CRPPA: variants seen among roughly 807,000 people sequenced by gnomAD.
The protein encoded by CRPPA is D-ribitol-5-phosphate cytidylyltransferase.
Under a neutral mutation model 52.0 loss-of-function variants are expected in CRPPA, and 43 were observed. That is an observed-to-expected ratio of 0.83 (90% CI 0.65 to 1.07). CRPPA has a LOEUF of 1.07. CRPPA is among the 50% of genes least tolerant of loss of function. CRPPA has a pLI of 0.00. For missense variants in CRPPA, 629 were observed against 551.7 expected (o/e 1.14, Z -1.40); for synonymous variants, 250 against 203.5 (o/e 1.23, Z -1.94).
At chr7:16,377,549 G>C (rs10249194) in intron 2 of CRPPA, among the ~76,000 whole-genome samples, 27,673 of 152,182 alleles carry the variant, frequency 0.18, 3,633 homozygotes, top group African/African-American at 0.37. Context: ...ATTGAAACTA[G>C]TGAAAAGTAT....
At chr7:16,216,386 G>A (rs747025213) in intron 8 of CRPPA, 189 bp from the exon 9 acceptor site, 15 of 432,972 alleles carry the variant, frequency 3.5e-5, no homozygotes, top group Admixed American at 1.3e-4. Flanking sequence ...AAACACAGAT[G>A]TAGTAAACAC....
chr7:16,100,201 G>A lies in CRPPA; in HGVS notation c.1252-8402C>T, dbSNP rs142421626. Among the ~76,000 whole-genome samples, 432 of 152,166 alleles carry A rather than the reference G, an allele frequency of 2.8e-3. 2 individuals are homozygous for A. The highest frequency in any genetic ancestry group is 9.8e-3 in the African/African-American group (408 of 41,530). ...TTATTATTTCTGCCCCCAGAAAAAT[G>A]GTTTCCCAGTAACTGTCTAATTGAC... On this transcript the variant is annotated intron_variant, in intron 9 of 9. Transcript: ENST00000407010.
intron 9 of CRPPA, among the ~76,000 whole-genome samples, chr7:16,193,322 C>T (rs1222009205): frequency 1.3e-5 from 2 of 151,792 alleles, no homozygotes; most frequent in African/African-American, 2.4e-5. Context: ...CTTTAATTTC[C>T]AATATTTGTT....
chr7:16,389,264 C>G (rs944762740), intron 2 of CRPPA, among the ~76,000 whole-genome samples: 1 of 152,062 alleles, frequency 6.6e-6, no homozygotes, highest in Non-Finnish European at 1.5e-5. Context: ...CCAGTATTAT[C>G]CTAATACCAA....
chr7:16,414,413 T>A (rs1788144632), intron 1 of CRPPA, among the ~76,000 whole-genome samples: 1 of 147,636 alleles, frequency 6.8e-6, no homozygotes. Flanking sequence ...CCCATGACAC[T>A]TTCCTTGTAT....
chr7:16,280,565 A>G (rs1784301389), intron 5 of CRPPA, among the ~76,000 whole-genome samples: 1 of 152,220 alleles, frequency 6.6e-6, no homozygotes, highest in South Asian at 2.1e-4. Flanking sequence ...CATTAAGAAT[A>G]ATTTTTAAAT....
intron 3 of CRPPA, among the ~76,000 whole-genome samples, chr7:16,374,055 GATTAAAGGATGCCT>G (rs923965292): frequency 1.3e-4 from 20 of 152,230 alleles, no homozygotes; most frequent in African/African-American, 4.3e-4. Flanking sequence ...AACTTGATTA[GATTAAAGGATGCCT>G]AAATAGCTGG....
intron 9 of CRPPA, among the ~76,000 whole-genome samples, chr7:16,190,085 A>G (rs1229719768): frequency 2.0e-5 from 3 of 152,154 alleles, no homozygotes; most frequent in Non-Finnish European, 4.4e-5. Flanking sequence ...TAAAACTTCA[A>G]ACACAAAAGG....
chr7:16,323,256 C>G (rs1466114070), intron 3 of CRPPA, among the ~76,000 whole-genome samples: 1 of 152,140 alleles, frequency 6.6e-6, no homozygotes, highest in African/African-American at 2.4e-5. Context: ...TATTTAATGT[C>G]AAAGGGATAT....
In CRPPA at chr7:16,307,864, G is replaced by C. The variant is rs556361900; in HGVS notation, c.789+659C>G. 3.2e-4 allele frequency among the ~76,000 whole-genome samples: 48 copies of C among 148,194 alleles called. 1 individual carries two copies. The highest frequency in any genetic ancestry group is 1.1e-3 in the African/African-American group (45 of 39,874). ...TGGAGCAACCACCCAGGGCCTGAAA[G>C]GAAATGTTGATACTGCAGGCAAAGT... On this transcript the variant is annotated intron_variant, in intron 4 of 9. Coordinates refer to ENST00000407010, the MANE Select transcript of CRPPA (RefSeq NM_001101426.4).
intron 3 of CRPPA, among the ~76,000 whole-genome samples, chr7:16,370,908 C>A (rs1020039404): frequency 6.6e-6 from 1 of 152,204 alleles, no homozygotes; most frequent in Non-Finnish European, 1.5e-5. Context: ...ACAGAAGGGG[C>A]ACTCCTGGAT....
At chr7:16,208,612 C>T (rs901836841) in intron 9 of CRPPA, among the ~76,000 whole-genome samples, 1 of 152,202 alleles carries the variant, frequency 6.6e-6, no homozygotes. Flanking sequence ...CCGTCCTCTT[C>T]TCAACTCCTC....
intron 9 of CRPPA, among the ~76,000 whole-genome samples, chr7:16,108,783 T>C (rs1224362470): frequency 2.0e-5 from 3 of 151,848 alleles, no homozygotes; most frequent in Non-Finnish European, 4.4e-5. Context: ...GTGTAATATA[T>C]AATTAGACAT....
intron 5 of CRPPA, among the ~76,000 whole-genome samples, chr7:16,279,965 C>G (rs1436605088): frequency 1.3e-5 from 2 of 152,208 alleles, no homozygotes; most frequent in Admixed American, 6.5e-5. Context: ...AAAGGCACAT[C>G]TCACATGACA....
rs1562588712 is a variant in CRPPA at position 16,254,816 on chromosome 7, A to AGAAAGAAAGAAAGAAC, written c.1119+3573_1119+3574insGTTCTTTCTTTCTTTC. Reference sequence around the variant, plus strand: ...AGGAAAGAAAGAAAGAAAGAAAGAAAGAAAGAAAGAAAGAAAGAAAGAAAG... The same window carrying AGAAAGAAAGAAAGAAC: ...AGGAAAGAAAGAAAGAAAGAAAGAAAGAAAGAAAGAAAGAACGAAAGAAAGAAAGAAAGAAAGAAAG... On this transcript the variant is annotated intron_variant, in intron 8 of 9. Transcript: ENST00000407010. Among the ~76,000 whole-genome samples the AGAAAGAAAGAAAGAAC allele has an allele frequency of 3.4e-3, 499 of 147,966 alleles. 1 individual carries two copies. Among genetic ancestry groups the AGAAAGAAAGAAAGAAC allele is most frequent in the African/African-American group, 0.012 (470 of 40,542 alleles).
rs139638510 is a variant in CRPPA, at chr7:16,097,128, A to G, written c.1252-5329T>C. Among the ~76,000 whole-genome samples the G allele has an allele frequency of 2.9e-3, 435 of 152,230 alleles. 2 individuals carry two copies. The highest frequency in any genetic ancestry group is 9.9e-3 in the African/African-American group (410 of 41,550). On this transcript the variant is annotated intron_variant, in intron 9 of 9. Coordinates refer to ENST00000407010, the MANE Select transcript of CRPPA (RefSeq NM_001101426.4). The stretch of plus-strand genomic sequence containing the variant: ...ATATTTTCAAAATCTATACAAAGAA[A>G]ACCTTTTTTGCTTGAAAATTCAAGG...
At chr7:16,347,449 C>A (rs1327070821) in intron 3 of CRPPA, among the ~76,000 whole-genome samples, 1 of 152,134 alleles carries the variant, frequency 6.6e-6, no homozygotes, top group African/African-American at 2.4e-5. Flanking sequence ...CCACTTTACC[C>A]AGGTGCAAAC....
intron 3 of CRPPA, among the ~76,000 whole-genome samples, chr7:16,324,366 T>A (rs770968222): frequency 1.6e-4 from 25 of 152,242 alleles, no homozygotes; most frequent in Non-Finnish European, 3.2e-4. Context: ...GAAGTTGAGA[T>A]CATTTCATTT....
intron 9 of CRPPA, among the ~76,000 whole-genome samples, chr7:16,203,703 A>G (rs1781908517): frequency 6.6e-6 from 1 of 152,076 alleles, no homozygotes; most frequent in Non-Finnish European, 1.5e-5. Context: ...GAATTTTTTC[A>G]GTTATATTTT....
Sources: allele counts gnomAD v4.1 joint callset (sites outside exome capture counted in the v4.1 genomes callset), GRCh38; gene constraint gnomAD v4.1.1; transcripts MANE v1.5; gene names NCBI Gene and HGNC (gene_info 2026-07-23, HGNC 2026-07-21).